The following PPP1R13B variants were observed in gnomAD, a reference collection of about 807,000 sequenced individuals.
The protein encoded by PPP1R13B is protein phosphatase 1 regulatory subunit 13B.
A neutral mutation model predicts 119.8 loss-of-function variants in PPP1R13B; 44 were observed. That is an observed-to-expected ratio of 0.37 (90% CI 0.29 to 0.47). The LOEUF is 0.47. Ranked by LOEUF, PPP1R13B falls within the 20% of genes least tolerant of loss-of-function variation. The pLI is 0.99. For synonymous variants in PPP1R13B, 542 were observed against 561.5 expected, an observed-to-expected ratio of 0.97 and a Z score of 0.49; for missense variants, 1,227 against 1,413.5, an observed-to-expected ratio of 0.87 and a Z score of 2.12.
rs2087079364 is a variant in PPP1R13B at position 103,847,439 on chromosome 14, C to T, written c.-132G>A. On this transcript the variant is annotated 5_prime_UTR_variant, in exon 1 of 17. Transcript: ENST00000202556. ...GCTCTCCGGCCCGGCCGCGGCGAGG[C>T]GGCAGCTGCGGCGGGCTGCGGGGCT... 1 of 1,008,624 alleles carries T rather than the reference C, an allele frequency of 9.9e-7. No homozygotes were observed. The highest frequency in any genetic ancestry group is 1.2e-6 in the Non-Finnish European group (1 of 846,608). The allele number at this position is 1,008,624 out of a possible 1,614,324, so 62.5% of individuals were successfully genotyped here.
At chr14:103,784,598 A>G (rs1226968714) in intron 3 of PPP1R13B, among the ~76,000 whole-genome samples, 197 bp downstream of exon 3, 1 of 139,892 alleles carries the variant, frequency 7.1e-6, no homozygotes, top group Non-Finnish European at 1.5e-5. Context: ...AAAAAAAAAA[A>G]AAAAAAAAAA....
At chr14:103,797,659 C>A in intron 1 of PPP1R13B, 141 bp from the exon 2 acceptor site, 1 of 463,852 alleles carries the variant, frequency 2.2e-6, no homozygotes, top group Non-Finnish European at 3.7e-6. Context: ...AATAGATAAG[C>A]TGATTCTAAA....
intron 4 of PPP1R13B, among the ~76,000 whole-genome samples, chr14:103,765,341 A>G (rs1477541897): frequency 6.6e-6 from 1 of 152,214 alleles, no homozygotes; most frequent in African/African-American, 2.4e-5. Flanking sequence ...AGATGACATG[A>G]AATAGTTCAA....
At chr14:103,848,336 G>C, upstream of PPP1R13B, 4 of 985,450 alleles carry the variant, frequency 4.1e-6, no homozygotes, top group Non-Finnish European at 4.8e-6. Context: ...CTCGTCTCCA[G>C]GGCCTGGGTC....
In PPP1R13B at chr14:103,738,978, G is replaced by T; in HGVS notation, c.2638C>A (p.His880Asn). 1 of 1,614,078 alleles carries T rather than the reference G, an allele frequency of 6.2e-7. No homozygotes were observed. The highest frequency in any genetic ancestry group is 8.5e-7 in the Non-Finnish European group (1 of 1,179,994). The part of the protein sequence containing the change: ...LKKPNSERTG[H>N]GLRVRFNPLA... The stretch of plus-strand genomic sequence containing the variant: ...GGGTTAAACCGGACTCTCAGCCCGT[G>T]CCCCGTCCGCTCCGAGTTGGGCTTC... The change falls in exon 13 of 17, where the codon CAC (histidine) becomes AAC (asparagine). Residue 880 changes from histidine to asparagine, a missense_variant. Physicochemically the swap from His to Asn is moderately conservative, Grantham distance 68. Transcript: ENST00000202556. This position sits in a 1 kb window ranked among gnomAD's most constrained non-coding sequence, Gnocchi z 5.6.
At chr14:103,817,382 AT>A (rs1181379458) in intron 1 of PPP1R13B, among the ~76,000 whole-genome samples, 1 of 152,200 alleles carries the variant, frequency 6.6e-6, no homozygotes, top group African/African-American at 2.4e-5. Flanking sequence ...AAGACTACAC[AT>A]AAATTTACTA....
chr14:103,827,833 T>C (rs1241013917), intron 1 of PPP1R13B, among the ~76,000 whole-genome samples: 1 of 152,088 alleles, frequency 6.6e-6, no homozygotes. Flanking sequence ...TTACCAAAAG[T>C]ATAAGCAGCT....
Position 103,740,217 on chromosome 14 carries a change from C to T in PPP1R13B, c.2199G>A (p.Leu733=), listed in dbSNP as rs1028134492. The change falls in exon 12 of 17, where the codon CTG becomes CTA. Residue 733 remains leucine, a synonymous_variant. Coordinates refer to ENST00000202556, the MANE Select transcript of PPP1R13B (RefSeq NM_015316.3). This position sits in a 1 kb window ranked among gnomAD's most constrained non-coding sequence, Gnocchi z 4.6. ...AAGGGGTGCCCTCCATGCCACCGGC[C>T]AGGGTGTTGAAGCGCTGGTACAGCA... ...QKLLYQRFNT[L]AGGMEGTPFY... is the part of the protein sequence containing the mutation. The T allele has an allele frequency of 4.3e-6, 7 of 1,613,652 alleles. No homozygotes were observed. Among genetic ancestry groups the T allele is most frequent in the Non-Finnish European group, 5.9e-6 (7 of 1,179,876 alleles).
At chr14:103,787,602 A>C (rs1454015602) in intron 2 of PPP1R13B, among the ~76,000 whole-genome samples, 3 of 150,126 alleles carry the variant, frequency 2.0e-5, no homozygotes, top group Non-Finnish European at 4.4e-5. Flanking sequence ...ATTTGAGCCT[A>C]AGAGTTCAAG....
intron 2 of PPP1R13B, among the ~76,000 whole-genome samples, chr14:103,790,759 C>T (rs1299250991): frequency 6.6e-6 from 1 of 152,222 alleles, no homozygotes; most frequent in Admixed American, 6.5e-5. Context: ...GATCCCAGCA[C>T]TTTGGGAAGC....
At chr14:103,775,278 A>AT (rs397967804) in intron 4 of PPP1R13B, among the ~76,000 whole-genome samples, 9,188 of 145,826 alleles carry the variant, frequency 0.063, 778 homozygotes, top group African/African-American at 0.19. Flanking sequence ...TATTATTATT[A>AT]TTTTTTTTTT....
chr14:103,753,318 T>C, intron 6 of PPP1R13B, 122 bp from the exon 7 acceptor site: 1 of 966,640 alleles, frequency 1.0e-6, no homozygotes, highest in South Asian at 1.8e-5. Flanking sequence ...AGCTGTGATA[T>C]GCAGAATCCA....
intron 6 of PPP1R13B, 36 bp from the exon 7 acceptor site, chr14:103,753,232 T>A (rs1316939853): frequency 7.2e-6 from 11 of 1,533,152 alleles, no homozygotes; most frequent in Non-Finnish European, 8.7e-6. Context: ...ATAAAAGATT[T>A]AGTTGATCCT....
intron 2 of PPP1R13B, among the ~76,000 whole-genome samples, chr14:103,785,148 A>G (rs1400235265): frequency 2.0e-5 from 3 of 152,228 alleles, no homozygotes; most frequent in Non-Finnish European, 4.4e-5. Flanking sequence ...GCAATTTTGC[A>G]ACATTAAATA....
At chr14:103,737,950 G>A (rs527418265) in intron 14 of PPP1R13B, 90 bp from the exon 15 acceptor site, 24 of 1,384,668 alleles carry the variant, frequency 1.7e-5, no homozygotes, top group African/African-American at 1.0e-4. Flanking sequence ...GGAATCTCGC[G>A]GAAGGCGTTC....
intron 1 of PPP1R13B, among the ~76,000 whole-genome samples, chr14:103,828,316 C>A (rs2086596586): frequency 6.7e-6 from 1 of 150,186 alleles, no homozygotes; most frequent in Non-Finnish European, 1.5e-5. Flanking sequence ...CTGCAGTGAG[C>A]CGAGATCACA....
At chr14:103,801,056 ATC>A (rs2085889063) in intron 1 of PPP1R13B, among the ~76,000 whole-genome samples, 2 of 152,008 alleles carry the variant, frequency 1.3e-5, no homozygotes, top group African/African-American at 4.8e-5. Flanking sequence ...CTCCACATTG[ATC>A]AGGCTGCTCT....
intron 1 of PPP1R13B, among the ~76,000 whole-genome samples, chr14:103,833,469 C>T (rs754515974): frequency 4.6e-5 from 7 of 152,010 alleles, no homozygotes; most frequent in African/African-American, 9.7e-5. Flanking sequence ...CATGGTGAAA[C>T]GCTGTTTCTA....
chr14:103,841,238 G>C (rs2086899356), intron 1 of PPP1R13B, among the ~76,000 whole-genome samples: 2 of 151,748 alleles, frequency 1.3e-5, no homozygotes, highest in Admixed American at 1.3e-4. Flanking sequence ...TGGGCTGAGA[G>C]GGTGCCACTG....
Sources: gnomAD v4.1 joint callset for allele counts (sites outside exome capture counted in the v4.1 genomes callset) on GRCh38, gnomAD v4.1.1 for gene constraint, Gnocchi (gnomAD v3.1) non-coding constraint, MANE v1.5 for transcripts, NCBI Gene and HGNC (gene_info 2026-07-23, HGNC 2026-07-21) for gene names.